Variants in SMG1 observed in about 807,000 individuals in gnomAD.
SMG1 encodes the protein SMG1 nonsense mediated mRNA decay associated PI3K related kinase, also known as serine/threonine-protein kinase SMG1.
In SMG1, 22 loss-of-function variants were observed where a neutral mutation model predicts 419.9. The observed-to-expected ratio is 0.05, with a 90% CI of 0.04 to 0.07. The LOEUF is 0.07. Ranked by LOEUF, SMG1 falls within the 10% of genes least tolerant of loss-of-function variation. The pLI, the probability that SMG1 is intolerant of heterozygous loss-of-function variation, is 1.00. For synonymous variants in SMG1, 1,538 were observed against 1,553.5 expected (o/e 0.99, Z 0.23); for missense variants, 3,185 against 4,342.0 (o/e 0.73, Z 7.49).
chr16:18,852,553 G>T, intron 31 of SMG1, 91 bp from the exon 32 acceptor site: 1 of 1,162,204 alleles, frequency 8.6e-7, no homozygotes, highest in Non-Finnish European at 1.1e-6. Context: ...TAGCATTTTA[G>T]GTTTTTATCT....
At chr16:18,905,090 T>C (rs2037507131) in intron 1 of SMG1, among the ~76,000 whole-genome samples, 1 of 151,830 alleles carries the variant, frequency 6.6e-6, no homozygotes, top group African/African-American at 2.4e-5. Context: ...TGAAACCCCG[T>C]CTCTACTAAA....
chr16:18,837,497 C>A (rs747262432), intron 45 of SMG1, 54 bp from the exon 46 acceptor site: 1 of 1,450,610 alleles, frequency 6.9e-7, no homozygotes, highest in African/African-American at 1.4e-5. Flanking sequence ...TTTTGAGACA[C>A]AACAGTGTCA....
At chr16:18,879,447 G>A (rs1008070843) in intron 11 of SMG1, 48 bp downstream of exon 11, 3 of 1,087,932 alleles carry the variant, frequency 2.8e-6, no homozygotes, top group Non-Finnish European at 2.7e-6. Flanking sequence ...TCGATTTAAG[G>A]GCCTGAATAA....
intron 30 of SMG1, 92 bp downstream of exon 30, chr16:18,854,564 G>T: frequency 8.4e-7 from 1 of 1,188,052 alleles, no homozygotes; most frequent in Non-Finnish European, 1.2e-6. Flanking sequence ...GATCAACTTT[G>T]CTATTACTAC....
intron 45 of SMG1, 130 bp from the exon 46 acceptor site, chr16:18,837,573 A>G (rs2033655016): frequency 1.4e-6 from 1 of 730,198 alleles, no homozygotes; most frequent in South Asian, 1.9e-5. Context: ...CGTTGCCTCC[A>G]CTGTACAAAA....
chr16:18,861,850 T>A lies in SMG1; in HGVS notation c.3696-1074A>T, dbSNP rs1328568949. On this transcript the variant is annotated intron_variant, in intron 25 of 62. Transcript: ENST00000446231. ...CTCTACCCCTACCCCCAATCCACCA[T>A]ACACTGCCAAAATTCTGTCTATAGC... is the stretch of plus-strand genomic sequence containing the variant. Among the ~76,000 whole-genome samples, 5 of 152,138 alleles carry A rather than the reference T, an allele frequency of 3.3e-5. No individual in the cohort carries two copies. In the South Asian group the frequency reaches 1.0e-3, roughly 31 times the overall value.
chr16:18,868,502 C>T (rs2035640350), intron 21 of SMG1, 21 bp downstream of exon 21: 3 of 1,461,914 alleles, frequency 2.1e-6, no homozygotes, highest in Admixed American at 3.4e-5. Context: ...TATAAAACAA[C>T]ACTATCTCAT....
At chr16:18,814,877 C>CTT (rs10582593) in intron 60 of SMG1, among the ~76,000 whole-genome samples, 64 of 123,972 alleles carry the variant, frequency 5.2e-4, no homozygotes, top group African/African-American at 1.8e-3. Context: ...CTCGCCCGGC[C>CTT]TTTTTTTTTT....
rs1458154156 is a variant in SMG1 at position 18,892,328 on chromosome 16, A to C, written c.439T>G (p.Ser147Ala). The part of the protein sequence containing the change: ...QERSMSYSDE[S>A]RLSNLLRRIT... ...CTCCGAAGAAGATTCGACAGTCGAGACTCATCAGAATAAGACATCGATCTC... is the reference window on the plus strand; with the variant it reads ...CTCCGAAGAAGATTCGACAGTCGAGCCTCATCAGAATAAGACATCGATCTC... Residue 147 changes from serine to alanine, a missense_variant, in exon 4 of 63, where the codon TCT becomes GCT. Ser to Ala is a moderately conservative substitution (Grantham distance 99). Around this residue, in one of 27 missense-constraint regions of SMG1, gnomAD observed 23 missense variants for 20.5 expected, o/e 1.12. Coordinates refer to ENST00000446231, the MANE Select transcript of SMG1 (RefSeq NM_015092.5). The C allele has an allele frequency of 1.9e-6, 3 of 1,549,576 alleles. No individual in the cohort carries two copies. The Admixed American group carries it at 5.9e-5, about 30-fold the overall frequency.
intron 3 of SMG1, among the ~76,000 whole-genome samples, chr16:18,894,292 A>G (rs953958856): frequency 3.9e-5 from 6 of 152,102 alleles, no homozygotes; most frequent in Non-Finnish European, 8.8e-5. Context: ...AAAAAAAAAG[A>G]AACTACAATG....
chr16:18,878,835 C>G (rs895485505), intron 11 of SMG1: 2 of 153,436 alleles, frequency 1.3e-5, no homozygotes, highest in Non-Finnish European at 1.4e-5. Context: ...TGGCAAAACT[C>G]CATCTCTACA....
chr16:18,845,602 G>A lies in SMG1; in HGVS notation c.6046C>T (p.Pro2016Ser). 1.2e-6 allele frequency: 2 copies of A among 1,613,178 alleles called. No homozygotes were observed. The highest frequency in any genetic ancestry group is 1.7e-6 in the Non-Finnish European group (2 of 1,179,858). ...ACATGCTCCAAAGCAAATACGATGG[G>A]CTTCATCAAAGCTGTGTGCTTCTCC... Reference protein sequence around the residue: ...MREKHTALMKPIVFALEHVRS... With the variant: ...MREKHTALMKSIVFALEHVRS... The change falls in exon 39 of 63, where the codon CCC (proline) becomes TCC (serine). Residue 2016 changes from proline to serine, a missense_variant. Pro to Ser is a moderately conservative substitution (Grantham distance 74). Around this residue, in one of 27 missense-constraint regions of SMG1, gnomAD observed 159 missense variants for 196.0 expected, o/e 0.81. Coordinates refer to ENST00000446231, the MANE Select transcript of SMG1 (RefSeq NM_015092.5).
intron 5 of SMG1, among the ~76,000 whole-genome samples, chr16:18,890,525 C>T (rs2036828552): frequency 6.6e-6 from 1 of 152,280 alleles, no homozygotes; most frequent in East Asian, 1.9e-4. Flanking sequence ...TGGTGCACAC[C>T]TGTAGTCCCA....
At chr16:18,842,525 G>A (rs2033982078) in intron 39 of SMG1, 71 bp from the exon 40 acceptor site, 1 of 1,491,312 alleles carries the variant, frequency 6.7e-7, no homozygotes, top group African/African-American at 1.4e-5. Context: ...CATTCAATAT[G>A]GCATAAAAGT....
intron 1 of SMG1, among the ~76,000 whole-genome samples, chr16:18,906,525 C>A (rs2037569926): frequency 1.3e-5 from 2 of 152,072 alleles, no homozygotes; most frequent in African/African-American, 4.8e-5. Context: ...AATACCTGCA[C>A]CTGATTCTAG....
rs560071914 is a variant in SMG1 at position 18,847,834 on chromosome 16, G to A, written c.5823C>T (p.Asn1941=). The A allele has an allele frequency of 2.0e-5, 32 of 1,613,884 alleles. No individual in the cohort carries two copies. The South Asian group carries it at 2.9e-4, about 14-fold the overall frequency. The change falls in exon 37 of 63, where the codon AAC becomes AAT. Residue 1941 remains asparagine, a synonymous_variant. Transcript: ENST00000446231. The stretch of plus-strand genomic sequence containing the variant: ...TTTGTACCTGTAATACCATGGTGGG[G>A]TTTGCAGAGGACAGCTTATCTACAA... ...SKIVDKLSSA[N]PTMVLQVQML...
At chr16:18,907,561 C>T (rs2037612422) in intron 1 of SMG1, among the ~76,000 whole-genome samples, 1 of 151,576 alleles carries the variant, frequency 6.6e-6, no homozygotes, top group Non-Finnish European at 1.5e-5. Context: ...AAAAAGTGAC[C>T]CTGCTTCGCT....
intron 56 of SMG1, among the ~76,000 whole-genome samples, chr16:18,818,760 G>GT (rs71942435): frequency 0.31 from 46,307 of 150,232 alleles, 7,892 homozygotes; most frequent in Non-Finnish European, 0.39. Flanking sequence ...GTCCGTAATA[G>GT]TTTTTTTGGT....
chr16:18,860,627 T>G (rs1235986759), intron 26 of SMG1, 40 bp downstream of exon 26: 5 of 851,910 alleles, frequency 5.9e-6, no homozygotes, highest in African/African-American at 1.7e-5. Flanking sequence ...TTTGAGCAAC[T>G]TGTCCACTAA....
Sources: allele counts gnomAD v4.1 joint callset (sites outside exome capture counted in the v4.1 genomes callset), GRCh38; gene constraint gnomAD v4.1.1; regional missense constraint gnomAD v4.1.1; transcripts MANE v1.5; gene names NCBI Gene and HGNC (gene_info 2026-07-23, HGNC 2026-07-21).